SDK1: variants seen among roughly 807,000 people sequenced by gnomAD.
The protein encoded by SDK1 is sidekick cell adhesion molecule 1.
SDK1 carries 157 observed loss-of-function variants against 245.5 expected under a neutral mutation model. The ratio of observed to expected loss-of-function variants is 0.64; its 90% confidence interval spans 0.56 to 0.73. The LOEUF is 0.73. SDK1 is among the 30% of genes least tolerant of loss of function. The pLI, the probability that SDK1 is intolerant of heterozygous loss-of-function variation, is 0.00. For missense variants in SDK1, 3,583 were observed against 3,002.3 expected, an observed-to-expected ratio of 1.19 and a Z score of -4.52; for synonymous variants, 1,647 against 1,278.5, an observed-to-expected ratio of 1.29 and a Z score of -6.15.
chr7:3,409,971 A>T (rs1779155995), intron 1 of SDK1, among the ~76,000 whole-genome samples: 1 of 152,194 alleles, frequency 6.6e-6, no homozygotes, highest in Non-Finnish European at 1.5e-5. Context: ...AGCTACAGTG[A>T]TAAGTGCTTC....
chr7:3,487,529 C>T (rs1213872945), intron 1 of SDK1, among the ~76,000 whole-genome samples: 1 of 151,860 alleles, frequency 6.6e-6, no homozygotes, highest in Non-Finnish European at 1.5e-5. Context: ...ATCACCTGAG[C>T]CCAGGAGTTC....
chr7:3,729,649 A>G (rs1163044963), intron 4 of SDK1, among the ~76,000 whole-genome samples: 1 of 152,152 alleles, frequency 6.6e-6, no homozygotes, highest in Non-Finnish European at 1.5e-5. Flanking sequence ...GGCATGTTGT[A>G]TATATACTTA....
intron 5 of SDK1, among the ~76,000 whole-genome samples, chr7:3,928,356 C>T (rs1257745559): frequency 6.6e-6 from 1 of 151,892 alleles, no homozygotes; most frequent in Non-Finnish European, 1.5e-5. Flanking sequence ...GTTTAAAATC[C>T]CTCAATTCTA....
chr7:3,397,853 A>G lies in SDK1; in HGVS notation c.298+95969A>G, dbSNP rs570149389. 4.6e-5 allele frequency among the ~76,000 whole-genome samples: 7 copies of G among 152,194 alleles called. No individual in the cohort carries two copies. The East Asian group carries it at 1.3e-3, about 29-fold the overall frequency. On this transcript the variant is annotated intron_variant, in intron 1 of 44. Coordinates refer to ENST00000404826, the MANE Select transcript of SDK1 (RefSeq NM_152744.4). ...ACTTTTTTCCATTAGAGCTTTTGGC[A>G]TATTAATCATAGTTATGAATTTCTG... is the stretch of plus-strand genomic sequence containing the variant.
At chr7:3,514,749 T>C (rs1289463284) in intron 1 of SDK1, among the ~76,000 whole-genome samples, 1 of 152,154 alleles carries the variant, frequency 6.6e-6, no homozygotes, top group African/African-American at 2.4e-5. Flanking sequence ...GAACTGTAGG[T>C]ACGTGGAACA....
At chr7:3,403,866 TATAA>T (rs1296189555) in intron 1 of SDK1, among the ~76,000 whole-genome samples, 184 of 115,682 alleles carry the variant, frequency 1.6e-3, no homozygotes, top group Middle Eastern at 8.5e-3. Flanking sequence ...TATATATATA[TATAA>T]TATATATATT....
rs558993585 is a variant in SDK1, at chr7:3,583,207, A to T, written c.299-35873A>T. ...TACAGCTCTCGGGCTAATGAGGATTATCATTTATGCCTGAGAGTATGTAAA... is the reference window on the plus strand; with the variant it reads ...TACAGCTCTCGGGCTAATGAGGATTTTCATTTATGCCTGAGAGTATGTAAA... On this transcript the variant is annotated intron_variant, in intron 1 of 44. Coordinates refer to ENST00000404826, the MANE Select transcript of SDK1 (RefSeq NM_152744.4). Among the ~76,000 whole-genome samples, 7 of 152,350 alleles carry T rather than the reference A, an allele frequency of 4.6e-5. No individual in the cohort carries two copies. In the East Asian group the frequency reaches 1.3e-3, roughly 29 times the overall value.
At chr7:3,743,701 G>T (rs560254403) in intron 4 of SDK1, among the ~76,000 whole-genome samples, 51 of 152,284 alleles carry the variant, frequency 3.3e-4, no homozygotes, top group African/African-American at 1.1e-3. Flanking sequence ...GTTGTAAGTA[G>T]ATGTCGGAGG....
At chr7:3,946,322 C>A (rs2128123463) in intron 5 of SDK1, among the ~76,000 whole-genome samples, 1 of 152,098 alleles carries the variant, frequency 6.6e-6, no homozygotes, top group South Asian at 2.1e-4. Flanking sequence ...GGACCACAGG[C>A]ACAGACCACT....
At chr7:3,977,662 C>G (rs1001822647) in intron 13 of SDK1, among the ~76,000 whole-genome samples, 1 of 152,224 alleles carries the variant, frequency 6.6e-6, no homozygotes, top group African/African-American at 2.4e-5. Context: ...CAGGATGCTG[C>G]CTGCAGTTCT....
At chr7:3,590,020 C>G (rs181447458) in intron 1 of SDK1, among the ~76,000 whole-genome samples, 1 of 152,120 alleles carries the variant, frequency 6.6e-6, no homozygotes, top group Non-Finnish European at 1.5e-5. Context: ...CCAGGATATA[C>G]GTGAGAGTTA....
intron 32 of SDK1, among the ~76,000 whole-genome samples, chr7:4,173,016 G>T (rs1271828161): frequency 1.3e-5 from 2 of 152,228 alleles, no homozygotes; most frequent in Non-Finnish European, 2.9e-5. Flanking sequence ...CTTTTAGGGG[G>T]ACACAGTTCA....
chr7:3,333,891 C>T (rs946579810), intron 1 of SDK1, among the ~76,000 whole-genome samples: 4 of 152,182 alleles, frequency 2.6e-5, no homozygotes, highest in Non-Finnish European at 5.9e-5. Context: ...AACTGGACTG[C>T]CAGGGTGGCC....
At chr7:3,571,208 C>T (rs1336181450) in intron 1 of SDK1, among the ~76,000 whole-genome samples, 2 of 152,004 alleles carry the variant, frequency 1.3e-5, no homozygotes, top group Non-Finnish European at 2.9e-5. Context: ...AAAAACTTAT[C>T]CTAGCTATTT....
At chr7:4,061,645 T>G (rs1030306683) in intron 19 of SDK1, among the ~76,000 whole-genome samples, 5 of 152,142 alleles carry the variant, frequency 3.3e-5, no homozygotes, top group Admixed American at 1.3e-4. Flanking sequence ...TATACCCAAA[T>G]GACTATAAAT....
intron 4 of SDK1, among the ~76,000 whole-genome samples, chr7:3,746,300 T>G (rs1333939533): frequency 6.6e-6 from 1 of 152,252 alleles, no homozygotes; most frequent in African/African-American, 2.4e-5. Flanking sequence ...TCAGCAAGTC[T>G]TTTTGATGGT....
intron 5 of SDK1, among the ~76,000 whole-genome samples, chr7:3,890,774 T>C (rs1781439756): frequency 6.6e-6 from 1 of 152,110 alleles, no homozygotes; most frequent in South Asian, 2.1e-4. Flanking sequence ...AAACCCTGTC[T>C]CTACTAAAAA....
At chr7:4,091,354 T>G (rs2128183680) in intron 22 of SDK1, among the ~76,000 whole-genome samples, 1 of 146,488 alleles carries the variant, frequency 6.8e-6, no homozygotes, top group East Asian at 2.0e-4. Flanking sequence ...TTTTTTTTTT[T>G]TTGTTTGAGA....
At chr7:3,699,855 G>C (rs1784690227) in intron 4 of SDK1, among the ~76,000 whole-genome samples, 1 of 152,090 alleles carries the variant, frequency 6.6e-6, no homozygotes, top group Non-Finnish European at 1.5e-5. Flanking sequence ...CTTTCAAGAA[G>C]CCGAGAGAAT....
Sources: allele counts gnomAD v4.1 joint callset (sites outside exome capture counted in the v4.1 genomes callset), GRCh38; gene constraint gnomAD v4.1.1; transcripts MANE v1.5; gene names NCBI Gene and HGNC (gene_info 2026-07-23, HGNC 2026-07-21).